ZNF784: variants seen among roughly 807,000 people sequenced by gnomAD.
ZNF784 encodes zinc finger protein 784.
Under a neutral mutation model 3.3 loss-of-function variants are expected in ZNF784, and 5 were observed. The ratio of observed to expected loss-of-function variants is 1.53; its 90% CI spans 0.80 to 3.22. The LOEUF is 3.22. Ranked by LOEUF, ZNF784 falls within the 30% of genes most tolerant of loss-of-function variation. ZNF784 has a pLI of 0.00. For synonymous variants in ZNF784, 231 were observed against 219.6 expected (o/e 1.05, Z -0.46); for missense variants, 501 against 480.7 (o/e 1.04, Z -0.39).
At position 55,621,874 on chromosome 19, in the gene ZNF784, T is replaced by C; in HGVS notation, c.849A>G (p.Gly283=). Residue 283 remains glycine, a synonymous_variant, in exon 2 of 2, where the codon GGA becomes GGG. Transcript: ENST00000325351. The surrounding 1 kb of genome is among the most constrained non-coding windows in gnomAD (Gnocchi z 4.1). ...THFHGPGPGL[G]DSGGQLGSSA... is the part of the protein sequence containing the mutation. ...ACGAGCCCAGCTGGCCTCCAGAGTCTCCCAGCCCCGGCCCCGGCCCGTGGA... is the reference window on the plus strand; with the variant it reads ...ACGAGCCCAGCTGGCCTCCAGAGTCCCCCAGCCCCGGCCCCGGCCCGTGGA... The C allele has an allele frequency of 1.3e-6, 2 of 1,585,462 alleles. No homozygotes were observed. The highest frequency in any genetic ancestry group is 1.7e-6 in the Non-Finnish European group (2 of 1,173,024).
In ZNF784 at chr19:55,624,556, G is replaced by T. The variant is rs748169255; in HGVS notation, c.6C>A (p.Ala2=). 5 of 1,590,628 alleles carry T rather than the reference G, an allele frequency of 3.1e-6. No homozygotes were observed. In the African/African-American group the frequency reaches 6.8e-5, roughly 22 times the overall value. Residue 2 remains alanine (A), a synonymous_variant, in exon 1 of 2, where the codon GCC becomes GCA. Coordinates refer to ENST00000325351, the MANE Select transcript of ZNF784 (RefSeq NM_203374.2). ...GACTCTGGGCCTCTGGGCGCGCAGC[G>T]GCCATCTTGTGCCCAAGCCCCGCCC... M[A]AARPEAQSRS... is the part of the protein sequence containing the mutation.
At position 55,621,601 on chromosome 19, in the gene ZNF784, A is replaced by C. The variant is rs959583640; in HGVS notation, c.*150T>G. On this transcript the variant is annotated 3_prime_UTR_variant, in exon 2 of 2. Coordinates refer to ENST00000325351, the MANE Select transcript of ZNF784 (RefSeq NM_203374.2). This position sits in a 1 kb window ranked among gnomAD's most constrained non-coding sequence, Gnocchi z 4.1. ...GCCTGGCCCTCTCCCTCTGCTCTCC[A>C]TCACTAGCGGCTCACAACCATCCCT... The C allele has an allele frequency of 1.9e-6, 2 of 1,078,498 alleles. No homozygotes were observed. The highest frequency in any genetic ancestry group is 3.1e-5 in the African/African-American group (2 of 63,906). 66.8% of individuals were successfully genotyped at this position (1,078,498 alleles called of 1,614,324 possible). A position where few individuals can be genotyped will look rare whatever the true frequency, so the allele number is the denominator to read the frequency against.
At position 55,621,948 on chromosome 19, in the gene ZNF784, G is replaced by T; in HGVS notation, c.775C>A (p.Arg259Ser). The T allele has an allele frequency of 6.3e-7, 1 of 1,596,138 alleles. No homozygotes were observed. The highest frequency in any genetic ancestry group is 8.5e-7 in the Non-Finnish European group (1 of 1,177,658). ...AAGTTGGAGGAGTTGTTGAAGGTGC[G>T]GTCGCAGAGCGTGCAGCGGAACGGG... ...ERPFRCTLCD[R>S]TFNNSSNFRK... Residue 259 changes from arginine (R) to serine (S), a missense_variant, in exon 2 of 2, where the codon CGC becomes AGC. Coordinates refer to ENST00000325351, the MANE Select transcript of ZNF784 (RefSeq NM_203374.2). This position sits in a 1 kb window ranked among gnomAD's most constrained non-coding sequence, Gnocchi z 4.1.
At position 55,621,945 on chromosome 19, in the gene ZNF784, T is replaced by TGCGGTCGCAGAGCGTGCAGCGGAACGG; in HGVS notation, c.751_777dup (p.Pro251_Arg259dup). The TGCGGTCGCAGAGCGTGCAGCGGAACGG allele has an allele frequency of 6.3e-7, 1 of 1,595,966 alleles. No individual in the cohort carries two copies. Among genetic ancestry groups the TGCGGTCGCAGAGCGTGCAGCGGAACGG allele is most frequent in the Non-Finnish European group, 8.5e-7 (1 of 1,177,554 alleles). ...CGGAAGTTGGAGGAGTTGTTGAAGG[T>TGCGGTCGCAGAGCGTGCAGCGGAACGG]GCGGTCGCAGAGCGTGCAGCGGAAC... On this transcript the variant is annotated inframe_insertion, in exon 2 of 2. Transcript: ENST00000325351. The surrounding 1 kb of genome is among the most constrained non-coding windows in gnomAD (Gnocchi z 4.1).
At chr19:55,624,409 G>C (rs1470657832) in intron 1 of ZNF784, 75 bp downstream of exon 1, 111 of 448,584 alleles carry the variant, frequency 2.5e-4, no homozygotes, top group Non-Finnish European at 3.4e-4. Flanking sequence ...CATAGGCCAC[G>C]CCCCGGACCC....
intron 1 of ZNF784, among the ~76,000 whole-genome samples, chr19:55,623,744 C>T (rs904338893): frequency 6.6e-6 from 1 of 152,096 alleles, no homozygotes; most frequent in African/African-American, 2.4e-5. Context: ...TAGAAATTGG[C>T]TCAATTTTTA....
chr19:55,622,157 C>CCCGCCGCCG lies in ZNF784; in HGVS notation c.557_565dup (p.Ala186_Ala188dup). On this transcript the variant is annotated inframe_insertion, in exon 2 of 2. Transcript: ENST00000325351. This position sits in a 1 kb window ranked among gnomAD's most constrained non-coding sequence, Gnocchi z 5.9. ...GGCAAAAGGCTTCCCCACCGCTGCG[C>CCCGCCGCCG]CCGCCGCCGCCGCCGCCATCACCAC... The CCCGCCGCCG allele has an allele frequency of 1.3e-6, 2 of 1,531,350 alleles. No individual in the cohort carries two copies. The highest frequency in any genetic ancestry group is 1.7e-6 in the Non-Finnish European group (2 of 1,143,684). The allele number at this position is 1,531,350 out of a possible 1,614,324, so 94.9% of individuals were successfully genotyped here. A position where few individuals can be genotyped will look rare whatever the true frequency, so the allele number is the denominator to read the frequency against.
At position 55,622,748 on chromosome 19, in the gene ZNF784, G is replaced by A. The variant is rs560692202; in HGVS notation, c.79-104C>T. The A allele has an allele frequency of 3.6e-6, 4 of 1,111,400 alleles. No homozygotes were observed. In the African/African-American group the frequency reaches 4.8e-5, roughly 13 times the overall value. The allele number at this position is 1,111,400 out of a possible 1,614,324, so 68.8% of individuals were successfully genotyped here. A position where few individuals can be genotyped will look rare whatever the true frequency, so the allele number is the denominator to read the frequency against. On this transcript the variant is annotated intron_variant, in intron 1 of 1. Coordinates refer to ENST00000325351, the MANE Select transcript of ZNF784 (RefSeq NM_203374.2). This position sits in a 1 kb window ranked among gnomAD's most constrained non-coding sequence, Gnocchi z 5.9. The stretch of plus-strand genomic sequence containing the variant: ...GGGCTCCTCTGTTATTTTCAGACAG[G>A]GCCTCACTCTGTTGCCCTGGCGCGA...
chr19:55,624,509 G>C lies in ZNF784; in HGVS notation c.53C>G (p.Ser18Trp). Residue 18 changes from serine (S) to tryptophan (W), a missense_variant, in exon 1 of 2, where the codon TCG becomes TGG. Coordinates refer to ENST00000325351, the MANE Select transcript of ZNF784 (RefSeq NM_203374.2). ...CAGGTCCAGTGGCTCCTGGGATCGC[G>C]ACTCCGGAGTCGGTGAGCTCCGACT... Reference protein sequence around the residue: ...AQSRSSPTPESRSQEPLDLVL... With the variant: ...AQSRSSPTPEWRSQEPLDLVL... 1.2e-6 allele frequency: 2 copies of C among 1,604,428 alleles called. No homozygotes were observed. The highest frequency in any genetic ancestry group is 1.7e-6 in the Non-Finnish European group (2 of 1,176,770).
At position 55,624,486 on chromosome 19, in the gene ZNF784, G is replaced by A. The variant is rs367877730; in HGVS notation, c.76C>T (p.Leu26=). ...PESRSQEPLD[L]VLVPDDCRPG... is the part of the protein sequence containing the mutation. Reference sequence around the variant, plus strand: ...CCAGGCCCCTTCCTTGCCCGCACCAGGTCCAGTGGCTCCTGGGATCGCGAC... The same window carrying A: ...CCAGGCCCCTTCCTTGCCCGCACCAAGTCCAGTGGCTCCTGGGATCGCGAC... The change falls in exon 1 of 2, where the codon CTG becomes TTG. Residue 26 remains leucine, a splice_region_variant and synonymous_variant. Transcript: ENST00000325351. The A allele has an allele frequency of 1.7e-5, 27 of 1,603,226 alleles. No homozygotes were observed. Among genetic ancestry groups the A allele is most frequent in the Non-Finnish European group, 2.3e-5 (27 of 1,175,972 alleles).
In ZNF784 at chr19:55,622,391, G is replaced by C; in HGVS notation, c.332C>G (p.Pro111Arg). The change falls in exon 2 of 2, where the codon CCG becomes CGG. Residue 111 changes from proline (P) to arginine (R), a missense_variant. By Grantham distance (103) the Pro-to-Arg change is moderately radical. Transcript: ENST00000325351. The surrounding 1 kb of genome is among the most constrained non-coding windows in gnomAD (Gnocchi z 5.9). The stretch of plus-strand genomic sequence containing the variant: ...GTGCGCGCGCAGGCTGGCGGGGCCC[G>C]GGCAGCTGTGGCCGCACACGTGGCA... ...SRCHVCGHSC[P>R]GPASLRAHYS... The C allele has an allele frequency of 6.4e-7, 1 of 1,554,604 alleles. No individual in the cohort carries two copies. The highest frequency in any genetic ancestry group is 1.2e-5 in the South Asian group (1 of 83,082).
chr19:55,622,118 GC>G lies in ZNF784; in HGVS notation c.604del (p.Ala202ProfsTer102). 6.4e-7 allele frequency: 1 copy of G among 1,553,082 alleles called. No individual in the cohort carries two copies. Among genetic ancestry groups the G allele is most frequent in the Non-Finnish European group, 8.6e-7 (1 of 1,156,424 alleles). Reference protein sequence around the residue: ...VGKPFACRFCAKPFRRSSDMR... With the variant: ...VGKPFACRFCXKPFRRSSDMR... ...GTCTGAGGAGCGGCGGAAGGGCTTG[GC>G]GCAGAACCTGCAGGCAAAAGGCTTC... is the stretch of plus-strand genomic sequence containing the variant. On this transcript the variant is annotated frameshift_variant, in exon 2 of 2. Transcript: ENST00000325351. LOFTEE classifies it low-confidence loss of function (END_TRUNC). This position sits in a 1 kb window ranked among gnomAD's most constrained non-coding sequence, Gnocchi z 5.9.
At chr19:55,624,431 T>A in intron 1 of ZNF784, 53 bp downstream of exon 1, 325 of 625,400 alleles carry the variant, frequency 5.2e-4, no homozygotes, top group Non-Finnish European at 7.7e-4. Flanking sequence ...CCCCCCACAC[T>A]ACGACCTCCT....
chr19:55,623,764 T>C (rs1346445345), intron 1 of ZNF784, among the ~76,000 whole-genome samples: 1 of 152,164 alleles, frequency 6.6e-6, no homozygotes, highest in Non-Finnish European at 1.5e-5. Flanking sequence ...ATTTCCTTTA[T>C]AGAACATATC....
Position 55,622,495 on chromosome 19 carries a change from C to T in ZNF784, c.228G>A (p.Leu76=). 1.2e-6 allele frequency: 2 copies of T among 1,612,950 alleles called. No homozygotes were observed. Among genetic ancestry groups the T allele is most frequent in the Non-Finnish European group, 1.7e-6 (2 of 1,179,852 alleles). Residue 76 remains leucine (L), a synonymous_variant, in exon 2 of 2, where the codon CTG becomes CTA. Coordinates refer to ENST00000325351, the MANE Select transcript of ZNF784 (RefSeq NM_203374.2). The surrounding 1 kb of genome is among the most constrained non-coding windows in gnomAD (Gnocchi z 5.9). ...HCALCPAAFR[L]VSELLFHEHG... is the part of the protein sequence containing the mutation. ...GTTCGTGGAACAGCAGCTCGGAAAC[C>T]AGCCGGAAGGCAGCAGGGCACAAGG...
In ZNF784 at chr19:55,621,520, C is replaced by T. The variant is rs964022373; in HGVS notation, c.*231G>A. ...CACACCCGCAGAGCTGCAAGAGCTG[C>T]ACCTGTCCTCTCCTAGGCCTGGCAG... On this transcript the variant is annotated 3_prime_UTR_variant, in exon 2 of 2. Transcript: ENST00000325351. The surrounding 1 kb of genome is among the most constrained non-coding windows in gnomAD (Gnocchi z 4.1). 4 of 627,390 alleles carry T rather than the reference C, an allele frequency of 6.4e-6. No individual in the cohort carries two copies. The highest frequency in any genetic ancestry group is 1.1e-5 in the Non-Finnish European group (4 of 363,618). 38.9% of individuals were successfully genotyped at this position (627,390 alleles called of 1,614,324 possible). A position where few individuals can be genotyped will look rare whatever the true frequency, so the allele number is the denominator to read the frequency against.
chr19:55,622,035 C>A lies in ZNF784; in HGVS notation c.688G>T (p.Gly230Cys). The change falls in exon 2 of 2, where the codon GGC becomes TGC. Residue 230 changes from glycine (G) to cysteine (C), a missense_variant. By Grantham distance (159) the Gly-to-Cys change is radical. Coordinates refer to ENST00000325351, the MANE Select transcript of ZNF784 (RefSeq NM_203374.2). The surrounding 1 kb of genome is among the most constrained non-coding windows in gnomAD (Gnocchi z 5.9). ...GERPYHCGIC[G>C]KGFTQSSVLS... The stretch of plus-strand genomic sequence containing the variant: ...ACCGAGGACTGGGTGAAGCCCTTGC[C>A]GCAGATGCCGCAATGGTATGGCCGC... The A allele has an allele frequency of 6.3e-7, 1 of 1,592,260 alleles. No homozygotes were observed. The highest frequency in any genetic ancestry group is 8.5e-7 in the Non-Finnish European group (1 of 1,177,248).
Position 55,622,128 on chromosome 19 carries a change from T to C in ZNF784, c.595A>G (p.Arg199Gly). 6.5e-7 allele frequency: 1 copy of C among 1,546,610 alleles called. No individual in the cohort carries two copies. Among genetic ancestry groups the C allele is most frequent in the Non-Finnish European group, 8.7e-7 (1 of 1,152,696 alleles). Residue 199 changes from arginine to glycine, a missense_variant, in exon 2 of 2, where the codon AGG becomes GGG. Coordinates refer to ENST00000325351, the MANE Select transcript of ZNF784 (RefSeq NM_203374.2). This position sits in a 1 kb window ranked among gnomAD's most constrained non-coding sequence, Gnocchi z 5.9. ...CGGCGGAAGGGCTTGGCGCAGAACC[T>C]GCAGGCAAAAGGCTTCCCCACCGCT... ...GAAVGKPFAC[R>G]FCAKPFRRSS...
At position 55,621,770 on chromosome 19, in the gene ZNF784, T is replaced by C; in HGVS notation, c.953A>G (p.Lys318Arg). The stretch of plus-strand genomic sequence containing the variant: ...TGCAGCCTACTGGTCGGCCTCCACC[T>C]TCACCTTCGCGGTCTCCCCCCGCCC... ...EEGRGETAKV[K>R]VEADQ Residue 318 changes from lysine (K) to arginine (R), a missense_variant, in exon 2 of 2, where the codon AAG (lysine) becomes AGG (arginine). Transcript: ENST00000325351. The surrounding 1 kb of genome is among the most constrained non-coding windows in gnomAD (Gnocchi z 4.1). 1.3e-6 allele frequency: 2 copies of C among 1,585,408 alleles called. No homozygotes were observed. The highest frequency in any genetic ancestry group is 2.3e-5 in the East Asian group (1 of 43,970).
Sources: allele counts gnomAD v4.1 joint callset (sites outside exome capture counted in the v4.1 genomes callset), GRCh38; gene constraint gnomAD v4.1.1; non-coding constraint Gnocchi (gnomAD v3.1); transcripts MANE v1.5; gene names NCBI Gene and HGNC (gene_info 2026-07-23, HGNC 2026-07-21).